The following HS3ST5 variants were observed in gnomAD, a reference collection of about 807,000 sequenced individuals.
HS3ST5 encodes heparan sulfate glucosamine 3-O-sulfotransferase 5.
A neutral mutation model predicts 25.4 loss-of-function variants in HS3ST5; 10 were observed. The observed-to-expected ratio is 0.39, with a 90% CI of 0.24 to 0.67. The LOEUF (loss-of-function observed/expected upper bound fraction) is 0.67, where lower values mean the gene tolerates loss of function less well. Among genes scored for constraint, HS3ST5 ranks in the 30% least tolerant of loss-of-function variants. HS3ST5 has a pLI of 0.44. For synonymous variants in HS3ST5, 170 were observed against 162.4 expected (o/e 1.05, Z -0.36); for missense variants, 324 against 420.7 (o/e 0.77, Z 2.01).
At chr6:114,209,430 CT>C (rs1002300604) in intron 2 of HS3ST5, among the ~76,000 whole-genome samples, 5 of 151,564 alleles carry the variant, frequency 3.3e-5, no homozygotes, top group African/African-American at 1.2e-4. Context: ...CCAATTTTCT[CT>C]TTTTTTTAAA....
At chr6:114,207,544 C>T (rs1381835892) in intron 2 of HS3ST5, among the ~76,000 whole-genome samples, 2 of 152,118 alleles carry the variant, frequency 1.3e-5, no homozygotes, top group Non-Finnish European at 2.9e-5. Context: ...AGGCTCATCC[C>T]TACTGTTTCA....
At chr6:114,193,306 A>G (rs1368024888) in intron 2 of HS3ST5, among the ~76,000 whole-genome samples, 1 of 152,214 alleles carries the variant, frequency 6.6e-6, no homozygotes, top group African/African-American at 2.4e-5. Flanking sequence ...TCTGCTTAGA[A>G]AAGTCAGGGA....
At chr6:114,266,900 A>C (rs1325628943) in intron 1 of HS3ST5, among the ~76,000 whole-genome samples, 1 of 152,188 alleles carries the variant, frequency 6.6e-6, no homozygotes, top group African/African-American at 2.4e-5. Flanking sequence ...TTTCGATTGC[A>C]AAAAATATGT....
intron 1 of HS3ST5, among the ~76,000 whole-genome samples, chr6:114,232,174 C>G (rs986718160): frequency 6.6e-6 from 1 of 152,082 alleles, no homozygotes; most frequent in African/African-American, 2.4e-5. Context: ...AGCTCACCTC[C>G]CCCATTAAAC....
chr6:114,247,584 A>G (rs1156890095), intron 1 of HS3ST5, among the ~76,000 whole-genome samples: 1 of 152,106 alleles, frequency 6.6e-6, no homozygotes, highest in Non-Finnish European at 1.5e-5. Context: ...GTACCAGGGC[A>G]TTTCTTATAA....
At chr6:114,301,076 A>C (rs1010283956) in intron 1 of HS3ST5, among the ~76,000 whole-genome samples, 1 of 152,114 alleles carries the variant, frequency 6.6e-6, no homozygotes, top group African/African-American at 2.4e-5. Flanking sequence ...TCTAGAATAA[A>C]ATGTTCCAGA....
intron 3 of HS3ST5, among the ~76,000 whole-genome samples, chr6:114,100,250 A>G (rs1308570403): frequency 1.3e-5 from 2 of 152,092 alleles, no homozygotes; most frequent in African/African-American, 4.8e-5. Flanking sequence ...CATCAAGACA[A>G]TCTTTATAGT....
intron 3 of HS3ST5, among the ~76,000 whole-genome samples, chr6:114,106,059 G>A (rs947263853): frequency 6.6e-6 from 1 of 151,990 alleles, no homozygotes; most frequent in African/African-American, 2.4e-5. Flanking sequence ...CTTTACTTTG[G>A]GGTATTTAGG....
intron 3 of HS3ST5, among the ~76,000 whole-genome samples, chr6:114,075,823 T>C (rs936384002): frequency 2.6e-5 from 4 of 152,150 alleles, no homozygotes; most frequent in African/African-American, 9.7e-5. Flanking sequence ...GGATTTTCAC[T>C]CCCTTTTATT....
intron 1 of HS3ST5, among the ~76,000 whole-genome samples, chr6:114,299,187 T>C (rs566875236): frequency 6.6e-6 from 1 of 152,182 alleles, no homozygotes; most frequent in Non-Finnish European, 1.5e-5. Flanking sequence ...TGTAGCCATC[T>C]TCTATGGTTG....
chr6:114,113,875 T>A (rs1051347382), intron 3 of HS3ST5, among the ~76,000 whole-genome samples: 1 of 152,078 alleles, frequency 6.6e-6, no homozygotes, highest in African/African-American at 2.4e-5. Flanking sequence ...GGAAGTAGTA[T>A]GAAAGTAGGA....
intron 3 of HS3ST5, among the ~76,000 whole-genome samples, chr6:114,151,200 C>T (rs1317750362): frequency 9.2e-5 from 14 of 152,176 alleles, no homozygotes; most frequent in Non-Finnish European, 1.8e-4. Flanking sequence ...CCAGCATTAT[C>T]TGACCCACAA....
intron 2 of HS3ST5, among the ~76,000 whole-genome samples, chr6:114,200,603 C>T (rs994689377): frequency 6.6e-6 from 1 of 152,080 alleles, no homozygotes; most frequent in African/African-American, 2.4e-5. Flanking sequence ...AAATACTATA[C>T]ATGTTTGAGC....
intron 1 of HS3ST5, among the ~76,000 whole-genome samples, chr6:114,296,344 GA>G (rs35359150): frequency 4.7e-5 from 7 of 150,184 alleles, no homozygotes; most frequent in South Asian, 2.1e-4. Context: ...TTTTGCCCTG[GA>G]AAAAAAAATC....
intron 2 of HS3ST5, among the ~76,000 whole-genome samples, chr6:114,213,264 C>G (rs13207255): frequency 6.8e-6 from 1 of 146,488 alleles, no homozygotes; most frequent in Non-Finnish European, 1.5e-5. Context: ...CTCCTTTCCT[C>G]TCCTCTCCTC....
At chr6:114,310,651 G>T (rs1256313805) in intron 1 of HS3ST5, among the ~76,000 whole-genome samples, 1 of 151,766 alleles carries the variant, frequency 6.6e-6, no homozygotes, top group African/African-American at 2.4e-5. Flanking sequence ...TTGCAATAGT[G>T]GTTATGTCCC....
At chr6:114,340,689 A>C (rs1776791565) in intron 1 of HS3ST5, 1 of 152,242 alleles carries the variant, frequency 6.6e-6, no homozygotes, top group Non-Finnish European at 1.5e-5. Context: ...ACAACAACAA[A>C]AATCTATTGC....
intron 3 of HS3ST5, among the ~76,000 whole-genome samples, chr6:114,070,882 C>T (rs1327525091): frequency 5.9e-5 from 9 of 152,204 alleles, no homozygotes; most frequent in African/African-American, 2.2e-4. Context: ...GTGTTTTAGA[C>T]TAACTTATGA....
chr6:114,138,981 C>T (rs545383463), intron 3 of HS3ST5, among the ~76,000 whole-genome samples: 5 of 152,160 alleles, frequency 3.3e-5, no homozygotes, highest in African/African-American at 1.2e-4. Context: ...TTCATTAGGG[C>T]TTCAGAATGC....
Sources: allele counts gnomAD v4.1 joint callset (sites outside exome capture counted in the v4.1 genomes callset), GRCh38; gene constraint gnomAD v4.1.1; transcripts MANE v1.5; gene names NCBI Gene and HGNC (gene_info 2026-07-23, HGNC 2026-07-21).